The following MON2 variants were observed in gnomAD, a reference collection of about 807,000 sequenced individuals.
MON2 encodes the protein MON2 regulator of endosome-to-Golgi trafficking.
Under a neutral mutation model 208.6 loss-of-function variants are expected in MON2, and 84 were observed. That is an observed-to-expected ratio of 0.40 (90% CI 0.34 to 0.48). MON2 has a LOEUF of 0.48. MON2 is among the 20% of genes least tolerant of loss of function. MON2 has a pLI of 0.59. For missense variants in MON2, 1,611 were observed against 2,015.4 expected (o/e 0.80, Z 3.84); for synonymous variants, 660 against 694.0 (o/e 0.95, Z 0.77).
chr12:62,554,961 AT>A (rs1477183344), intron 24 of MON2, among the ~76,000 whole-genome samples: 2 of 150,934 alleles, frequency 1.3e-5, no homozygotes, highest in African/African-American at 4.9e-5. Context: ...CACCCGGCTA[AT>A]TTTTTTTGTA....
chr12:62,510,871 A>T (rs2071361070), intron 8 of MON2, among the ~76,000 whole-genome samples: 1 of 152,230 alleles, frequency 6.6e-6, no homozygotes, highest in South Asian at 2.1e-4. Context: ...TTGCTAATGT[A>T]TGTTTTATCT....
chr12:62,581,448 CGGGT>C (rs1217427292), intron 32 of MON2, among the ~76,000 whole-genome samples: 1 of 152,048 alleles, frequency 6.6e-6, no homozygotes, highest in East Asian at 1.9e-4. Context: ...CCTAGATACT[CGGGT>C]GGCTGAAGTG....
intron 1 of MON2, chr12:62,482,878 T>G (rs2069529236): frequency 1.3e-5 from 2 of 151,910 alleles, no homozygotes; most frequent in South Asian, 2.1e-4. Context: ...CCAAAAAAAT[T>G]GAAAAATTAG....
intron 1 of MON2, among the ~76,000 whole-genome samples, chr12:62,478,490 A>G (rs1003353933): frequency 1.3e-5 from 2 of 152,222 alleles, no homozygotes; most frequent in African/African-American, 4.8e-5. Context: ...CCATAAGTCT[A>G]TAGCTATCAT....
intron 7 of MON2, 38 bp downstream of exon 7, chr12:62,501,736 G>C (rs1405039699): frequency 6.2e-7 from 1 of 1,608,122 alleles, no homozygotes; most frequent in Non-Finnish European, 8.5e-7. Context: ...AAGTTAATCT[G>C]AATTGTTTTA....
chr12:62,527,159 C>G (rs1251860680), intron 11 of MON2, among the ~76,000 whole-genome samples: 1 of 151,896 alleles, frequency 6.6e-6, no homozygotes, highest in East Asian at 1.9e-4. Flanking sequence ...TGACATAAAT[C>G]AAGACTTAAT....
At position 62,537,246 on chromosome 12, in the gene MON2, C is replaced by A. The variant is rs373777338; in HGVS notation, c.1996C>A (p.Pro666Thr). 7 of 1,606,338 alleles carry A rather than the reference C, an allele frequency of 4.4e-6. No homozygotes were observed. In the African/African-American group the frequency reaches 6.7e-5, roughly 15 times the overall value. The change falls in exon 15 of 35, where the codon CCT becomes ACT. Residue 666 changes from proline (P) to threonine (T), a missense_variant. Transcript: ENST00000393630. ...VAVGQPLAVQ[P>T]QGTVMLTSKN... ...AGTGGGTCAACCTTTAGCAGTCCAG[C>A]CTCAAGGGACAGTAATGGTAATGTA...
intron 1 of MON2, chr12:62,482,656 A>G (rs1304356650): frequency 6.6e-6 from 1 of 152,212 alleles, no homozygotes; most frequent in African/African-American, 2.4e-5. Context: ...TAATATGTCA[A>G]TATTATATCT....
chr12:62,538,475 A>G lies in MON2; in HGVS notation c.2334A>G (p.Glu778=). 1 of 1,608,184 alleles carries G rather than the reference A, an allele frequency of 6.2e-7. No individual in the cohort carries two copies. The highest frequency in any genetic ancestry group is 8.5e-7 in the Non-Finnish European group (1 of 1,175,046). Residue 778 remains glutamate, a synonymous_variant, in exon 19 of 35, where the codon GAA becomes GAG. Transcript: ENST00000393630. ...LINALCSLSL[E]AMDMAYGNNK... ...ATGCACTTTGCTCCTTGTCTCTAGAAGCAATGGATATGGCCTATGGAAATA... is the reference window on the plus strand; with the variant it reads ...ATGCACTTTGCTCCTTGTCTCTAGAGGCAATGGATATGGCCTATGGAAATA...
chr12:62,489,041 GAT>G (rs2069959790), intron 2 of MON2, among the ~76,000 whole-genome samples: 1 of 151,970 alleles, frequency 6.6e-6, no homozygotes, highest in Admixed American at 6.6e-5. Flanking sequence ...ATTGCTGTAT[GAT>G]ATTTCAGCAA....
rs759794451 is a variant in MON2 at position 62,578,466 on chromosome 12, T to C, written c.4536T>C (p.Ser1512=). 6 of 1,485,378 alleles carry C rather than the reference T, an allele frequency of 4.0e-6. No individual in the cohort carries two copies. The Admixed American group carries it at 9.9e-5, about 24-fold the overall frequency. 92.0% of individuals were successfully genotyped at this position (1,485,378 alleles called of 1,614,324 possible). Residue 1512 remains serine, a synonymous_variant, in exon 31 of 35, where the codon TCT becomes TCC. Transcript: ENST00000393630. ...TTAGCATACCTCCAGATAATCTCTCTATTCAAGAGTTTCAAAGAAATGAAA... is the reference window on the plus strand; with the variant it reads ...TTAGCATACCTCCAGATAATCTCTCCATTCAAGAGTTTCAAAGAAATGAAA... ...FTKSIPPDNL[S]IQEFQRNENI...
At position 62,560,994 on chromosome 12, in the gene MON2, A is replaced by G; in HGVS notation, c.3913A>G (p.Ser1305Gly). 2 of 1,613,988 alleles carry G rather than the reference A, an allele frequency of 1.2e-6. No homozygotes were observed. Among genetic ancestry groups the G allele is most frequent in the Non-Finnish European group, 1.7e-6 (2 of 1,179,866 alleles). ...GCAAAAGTTGGGAGTCATATTGCAC[A>G]GTGCTATTTCAGTCCCAATAAGTTC... ...DLQKLGVILH[S>G]AISVPISSDA... is the part of the protein sequence containing the mutation. Residue 1305 changes from serine to glycine, a missense_variant, in exon 26 of 35, where the codon AGT becomes GGT. Ser to Gly is a moderately conservative substitution (Grantham distance 56). Coordinates refer to ENST00000393630, the MANE Select transcript of MON2 (RefSeq NM_015026.3).
chr12:62,574,789 A>G (rs1302657321), intron 30 of MON2, among the ~76,000 whole-genome samples: 1 of 152,096 alleles, frequency 6.6e-6, no homozygotes, highest in African/African-American at 2.4e-5. Flanking sequence ...CTTTCTGTTG[A>G]TCGTGAGCTG....
chr12:62,494,604 G>A (rs1252292389), intron 3 of MON2, among the ~76,000 whole-genome samples: 3 of 152,128 alleles, frequency 2.0e-5, no homozygotes, highest in Non-Finnish European at 4.4e-5. Flanking sequence ...GTGCCAATGT[G>A]TTGTTAATAT....
chr12:62,587,594 T>A (rs1432854936), intron 33 of MON2, among the ~76,000 whole-genome samples: 2 of 150,492 alleles, frequency 1.3e-5, no homozygotes, highest in African/African-American at 4.9e-5. Flanking sequence ...AAAAAAAAAA[T>A]TAGCCAGACA....
At chr12:62,556,240 A>G in intron 25 of MON2, 48 bp downstream of exon 25, 2 of 1,529,610 alleles carry the variant, frequency 1.3e-6, no homozygotes, top group Non-Finnish European at 1.8e-6. Context: ...ATGTTAAAAG[A>G]AATTTGGAAA....
intron 32 of MON2, among the ~76,000 whole-genome samples, chr12:62,580,658 A>T (rs1023813039): frequency 2.6e-5 from 4 of 152,186 alleles, no homozygotes; most frequent in Non-Finnish European, 5.9e-5. Flanking sequence ...CTGATCATAT[A>T]TCAGAAACAC....
chr12:62,534,951 AT>A, intron 13 of MON2, 25 bp downstream of exon 13: 1 of 1,488,064 alleles, frequency 6.7e-7, no homozygotes, highest in Non-Finnish European at 9.1e-7. Context: ...TAAGTTTTAT[AT>A]TGAACTGTGT....
At chr12:62,537,825 A>C (rs376615911) in intron 16 of MON2, 119 bp downstream of exon 16, 11 of 805,056 alleles carry the variant, frequency 1.4e-5, no homozygotes, top group East Asian at 1.3e-4. Context: ...AGTAAGTATG[A>C]AAAAAGAGAA....
Sources: allele counts gnomAD v4.1 joint callset (sites outside exome capture counted in the v4.1 genomes callset), GRCh38; gene constraint gnomAD v4.1.1; transcripts MANE v1.5; gene names NCBI Gene and HGNC (gene_info 2026-07-23, HGNC 2026-07-21).